DACH2: variants seen among roughly 807,000 people sequenced by gnomAD.
DACH2 encodes the protein dachshund homolog 2.
Under a neutral mutation model 35.8 loss-of-function variants are expected in DACH2, and 17 were observed. That is an observed-to-expected ratio of 0.48 (90% CI 0.33 to 0.71). DACH2 has a LOEUF of 0.71. DACH2 is among the 30% of genes least tolerant of loss of function. The probability of loss-of-function intolerance (pLI) is 0.02; values close to 1 mark genes in which losing one functional copy is unlikely to be tolerated. For missense variants in DACH2, 469 were observed against 472.7 expected (o/e 0.99, Z 0.07); for synonymous variants, 195 against 177.3 (o/e 1.10, Z -0.79).
intron 1 of DACH2, among the ~76,000 whole-genome samples, chrX:86,207,647 TCAA>T (rs1336412006): frequency 9.0e-6 from 1 of 111,649 alleles, no homozygotes; most frequent in Non-Finnish European, 1.9e-5. Context: ...CTAGAAACTG[TCAA>T]CAACAAACTT....
intron 2 of DACH2, among the ~76,000 whole-genome samples, chrX:86,493,173 C>T (rs1448403181): frequency 9.0e-6 from 1 of 110,785 alleles, no homozygotes; most frequent in Non-Finnish European, 1.9e-5. Context: ...ACCATTCTGA[C>T]TGGTGTAAGA....
intron 1 of DACH2, among the ~76,000 whole-genome samples, chrX:86,220,556 C>G (rs2032686370): frequency 8.9e-6 from 1 of 112,117 alleles, no homozygotes. Flanking sequence ...GAATTTCCTT[C>G]TTCTCTAAGG....
At position 86,637,246 on chromosome X, in the gene DACH2, A is replaced by C. The variant is rs796189885; in HGVS notation, c.641-13790A>C. Among the ~76,000 whole-genome samples, 39 of 81,839 alleles carry C rather than the reference A, an allele frequency of 4.8e-4. 1 individual carries two copies. The East Asian group carries it at 0.012, about 24-fold the overall frequency. 71.1% of individuals were successfully genotyped at this position (81,839 alleles called of 115,157 possible). On this transcript the variant is annotated intron_variant, in intron 3 of 11. Coordinates refer to ENST00000373125, the MANE Select transcript of DACH2 (RefSeq NM_053281.3). ...AAAAAAAAAAAAAAAAAAAAAAAAA[A>C]CAGATGCTGGTTAGTTTTCAGAGAA...
chrX:86,639,414 T>C (rs2040317856), intron 3 of DACH2, among the ~76,000 whole-genome samples: 1 of 111,464 alleles, frequency 9.0e-6, no homozygotes, highest in Non-Finnish European at 1.9e-5. Flanking sequence ...TACATGGAGC[T>C]CTGAGCAGCT....
intron 5 of DACH2, among the ~76,000 whole-genome samples, chrX:86,697,370 C>A (rs1405385189): frequency 1.8e-5 from 2 of 110,901 alleles, no homozygotes; most frequent in East Asian, 2.9e-4. Context: ...GTCGAGCAAC[C>A]ATTTATGATA....
At position 86,164,930 on chromosome X, in the gene DACH2, TC is replaced by T. The variant is rs776154704; in HGVS notation, c.488+15823del. On this transcript the variant is annotated intron_variant, in intron 1 of 11. Transcript: ENST00000373125. The stretch of plus-strand genomic sequence containing the variant: ...TTGGCTATTTGGGCTCCTTTTTGGT[TC>T]TATATAAATTTTAAAATAGTTTTTT... Among the ~76,000 whole-genome samples, 90 of 101,246 alleles carry T rather than the reference TC, an allele frequency of 8.9e-4. 1 individual carries two copies. The highest frequency in any genetic ancestry group is 3.2e-3 in the African/African-American group (85 of 26,261). 87.9% of individuals were successfully genotyped at this position (101,246 alleles called of 115,157 possible).
intron 3 of DACH2, among the ~76,000 whole-genome samples, chrX:86,606,297 G>GTT (rs762788401): frequency 1.2e-3 from 126 of 102,053 alleles, no homozygotes; most frequent in African/African-American, 3.4e-3. Context: ...TTTATTTGAA[G>GTT]TTTTTTTTTT....
At chrX:86,667,616 G>GAAAT (rs2040715351) in intron 4 of DACH2, among the ~76,000 whole-genome samples, 1 of 108,200 alleles carries the variant, frequency 9.2e-6, no homozygotes, top group Admixed American at 9.7e-5. Flanking sequence ...AAGAAAGAAA[G>GAAAT]GCAGGCAGGC....
chrX:86,258,521 A>G (rs2033567379), intron 1 of DACH2, among the ~76,000 whole-genome samples: 1 of 111,725 alleles, frequency 9.0e-6, no homozygotes, highest in Non-Finnish European at 1.9e-5. Flanking sequence ...ATTACAATCA[A>G]GATTATTATC....
At chrX:86,426,220 C>T (rs1419532582) in intron 2 of DACH2, among the ~76,000 whole-genome samples, 2 of 110,991 alleles carry the variant, frequency 1.8e-5, no homozygotes, top group Non-Finnish European at 3.8e-5. Context: ...GCTGCAATTT[C>T]CTTCTGTTGA....
intron 1 of DACH2, among the ~76,000 whole-genome samples, chrX:86,269,833 T>C (rs1216004066): frequency 1.8e-5 from 2 of 109,515 alleles, no homozygotes; most frequent in African/African-American, 6.6e-5. Flanking sequence ...TCTGAGGCTT[T>C]TAGGGCTTTG....
intron 1 of DACH2, among the ~76,000 whole-genome samples, chrX:86,358,461 A>G (rs1445668174): frequency 9.2e-6 from 1 of 108,421 alleles, no homozygotes; most frequent in East Asian, 2.9e-4. Flanking sequence ...ACACACACAC[A>G]CACACACACA....
At chrX:86,650,925 A>G in intron 3 of DACH2, 111 bp from the exon 4 acceptor site, 1 of 654,395 alleles carries the variant, frequency 1.5e-6, no homozygotes, top group East Asian at 3.9e-5. Context: ...AAGCCTCAGT[A>G]TCATGCAATA....
intron 2 of DACH2, among the ~76,000 whole-genome samples, chrX:86,426,982 A>C (rs184831548): frequency 8.9e-6 from 1 of 112,455 alleles, no homozygotes; most frequent in Admixed American, 9.4e-5. Context: ...AAAATGCAGA[A>C]ACACCATTAA....
intron 2 of DACH2, among the ~76,000 whole-genome samples, chrX:86,484,126 A>T (rs1488548882): frequency 1.8e-5 from 2 of 111,419 alleles, no homozygotes; most frequent in Non-Finnish European, 3.8e-5. Flanking sequence ...AAGCTCAGCA[A>T]TTATTCTGTA....
At chrX:86,270,250 A>G in intron 1 of DACH2, among the ~76,000 whole-genome samples, 1 of 109,700 alleles carries the variant, frequency 9.1e-6, no homozygotes, top group East Asian at 2.9e-4. Flanking sequence ...CTGATTCCCA[A>G]TCAAATACTC....
intron 1 of DACH2, among the ~76,000 whole-genome samples, chrX:86,270,036 T>C (rs987764414): frequency 9.3e-5 from 9 of 96,390 alleles, no homozygotes; most frequent in African/African-American, 3.8e-4. Context: ...TATATATATA[T>C]ATATTTTTTT....
chrX:86,574,043 G>T (rs1025935366), intron 3 of DACH2, among the ~76,000 whole-genome samples: 2 of 111,646 alleles, frequency 1.8e-5, no homozygotes, highest in Admixed American at 1.9e-4. Context: ...ATATCTAAAT[G>T]ACCGAAGTGT....
chrX:86,445,726 T>C (rs4259543), intron 2 of DACH2, among the ~76,000 whole-genome samples: 10,323 of 110,253 alleles, frequency 0.094, 1,241 homozygotes, highest in African/African-American at 0.32. Context: ...AAGAAAAAAT[T>C]TGATATAATT....
Sources: gnomAD v4.1 joint callset for allele counts (sites outside exome capture counted in the v4.1 genomes callset) on GRCh38, gnomAD v4.1.1 for gene constraint, MANE v1.5 for transcripts, NCBI Gene and HGNC (gene_info 2026-07-23, HGNC 2026-07-21) for gene names.